Variants in WDR33 observed in about 807,000 individuals in gnomAD.
WDR33 encodes pre-mRNA 3' end processing protein WDR33.
In WDR33, 47 loss-of-function variants were observed where a neutral mutation model predicts 164.9. That is an observed-to-expected ratio of 0.29 (90% CI 0.23 to 0.36). WDR33 has a LOEUF of 0.36. WDR33 is among the 10% of genes least tolerant of loss of function. The pLI is 1.00. For synonymous variants in WDR33, 505 were observed against 589.0 expected, an observed-to-expected ratio of 0.86 and a Z score of 2.06; for missense variants, 1,137 against 1,754.1, an observed-to-expected ratio of 0.65 and a Z score of 6.28.
intron 1 of WDR33, among the ~76,000 whole-genome samples, chr2:127,810,466 T>C (rs534934734): frequency 6.6e-6 from 1 of 152,258 alleles, no homozygotes; most frequent in African/African-American, 2.4e-5. Context: ...CAACTTAAAA[T>C]CAGAAACAGG....
chr2:127,785,964 C>T (rs993856004), intron 1 of WDR33, among the ~76,000 whole-genome samples: 1 of 152,210 alleles, frequency 6.6e-6, no homozygotes, highest in African/African-American at 2.4e-5. Flanking sequence ...TGCTCCGTAT[C>T]GTTGACAGCA....
intron 1 of WDR33, among the ~76,000 whole-genome samples, chr2:127,780,254 G>A (rs544615648): frequency 6.6e-6 from 1 of 152,174 alleles, no homozygotes; most frequent in South Asian, 2.1e-4. Context: ...ATAATAAAAA[G>A]TTTTAAGATT....
In WDR33 at chr2:127,701,524, C is replaced by T. The variant is rs1685876435; in HGVS notation, c.*4799G>A. ...CTTTTCCTTTCTGCCACCGCCTTGTCCAAGATGGCGGACCTCCACCGCCAG... is the reference window on the plus strand; with the variant it reads ...CTTTTCCTTTCTGCCACCGCCTTGTTCAAGATGGCGGACCTCCACCGCCAG... On this transcript the variant is annotated 3_prime_UTR_variant, in exon 22 of 22. Coordinates refer to ENST00000322313, the MANE Select transcript of WDR33 (RefSeq NM_018383.5). 3 of 1,317,594 alleles carry T rather than the reference C, an allele frequency of 2.3e-6. No homozygotes were observed. Among genetic ancestry groups the T allele is most frequent in the Admixed American group, 3.9e-5 (1 of 25,924 alleles). 81.6% of individuals were successfully genotyped at this position (1,317,594 alleles called of 1,614,324 possible).
chr2:127,785,883 G>C (rs995741765), intron 1 of WDR33, among the ~76,000 whole-genome samples: 4 of 152,204 alleles, frequency 2.6e-5, no homozygotes, highest in African/African-American at 9.6e-5. Context: ...GGTTTTGTAA[G>C]AAACTGCCTA....
rs540115118 is a variant in WDR33 at position 127,742,874 on chromosome 2, CA to C, written c.725-16098del. ...ATACTCACAGTTAAAAAAAAAAAAA[CA>C]AAAAAAAACACCCCTCAGAGAAAAG... is the stretch of plus-strand genomic sequence containing the variant. On this transcript the variant is annotated intron_variant, in intron 7 of 21. Transcript: ENST00000322313. 8.2e-3 allele frequency among the ~76,000 whole-genome samples: 1,038 copies of C among 127,062 alleles called. 9 individuals are homozygous for C. The highest frequency in any genetic ancestry group is 0.029 in the African/African-American group (983 of 34,430). The allele number at this position is 127,062 out of a possible 152,430, so 83.4% of individuals were successfully genotyped here.
chr2:127,706,316 C>G lies in WDR33; in HGVS notation c.*7G>C, dbSNP rs373845660. On this transcript the variant is annotated 3_prime_UTR_variant, in exon 22 of 22. Coordinates refer to ENST00000322313, the MANE Select transcript of WDR33 (RefSeq NM_018383.5). The surrounding 1 kb of genome is among the most constrained non-coding windows in gnomAD (Gnocchi z 5.1). Reference sequence around the variant, plus strand: ...CAGAGAGGCCTCAGGGTACTCAGTTCCAGCTTCTACCGACCCCTTCCACCA... The same window carrying G: ...CAGAGAGGCCTCAGGGTACTCAGTTGCAGCTTCTACCGACCCCTTCCACCA... The G allele has an allele frequency of 6.5e-7, 1 of 1,547,236 alleles. No homozygotes were observed. Among genetic ancestry groups the G allele is most frequent in the South Asian group, 1.3e-5 (1 of 78,584 alleles).
At position 127,723,099 on chromosome 2, in the gene WDR33, T is replaced by A; in HGVS notation, c.1292-55A>T. On this transcript the variant is annotated intron_variant, in intron 12 of 21. Coordinates refer to ENST00000322313, the MANE Select transcript of WDR33 (RefSeq NM_018383.5). The surrounding 1 kb of genome is among the most constrained non-coding windows in gnomAD (Gnocchi z 5.9). ...GAGAATTTACAAAAGTAGCGACTGA[T>A]AAAATTAATGCTTTATAAAAATGAA... 6.7e-7 allele frequency: 1 copy of A among 1,498,090 alleles called. No individual in the cohort carries two copies. The highest frequency in any genetic ancestry group is 9.1e-7 in the Non-Finnish European group (1 of 1,099,928). The allele number at this position is 1,498,090 out of a possible 1,614,324, so 92.8% of individuals were successfully genotyped here.
At position 127,714,129 on chromosome 2, in the gene WDR33, T is replaced by A; in HGVS notation, c.2870-108A>T. 5 of 1,223,916 alleles carry A rather than the reference T, an allele frequency of 4.1e-6. No homozygotes were observed. Among genetic ancestry groups the A allele is most frequent in the Non-Finnish European group, 5.4e-6 (5 of 926,694 alleles). 75.8% of individuals were successfully genotyped at this position (1,223,916 alleles called of 1,614,324 possible). On this transcript the variant is annotated intron_variant, in intron 17 of 21. Coordinates refer to ENST00000322313, the MANE Select transcript of WDR33 (RefSeq NM_018383.5). This position sits in a 1 kb window ranked among gnomAD's most constrained non-coding sequence, Gnocchi z 4.3. ...AGAATACATTCTTTATTGAGAATGT[T>A]TTCCCTCCTTGGTTCTCAGCTTAGT... is the stretch of plus-strand genomic sequence containing the variant.
intron 1 of WDR33, among the ~76,000 whole-genome samples, chr2:127,773,427 A>G (rs941738791): frequency 1.3e-5 from 2 of 152,172 alleles, no homozygotes; most frequent in South Asian, 4.1e-4. Flanking sequence ...AACAAGGAGG[A>G]GGAGGGGTGG....
chr2:127,780,797 A>G (rs146183782), intron 1 of WDR33, among the ~76,000 whole-genome samples: 2,160 of 152,264 alleles, frequency 0.014, 25 homozygotes, highest in Middle Eastern at 0.085. Flanking sequence ...TGATCACACC[A>G]CTGCACTCCA....
In WDR33 at chr2:127,763,020, TC is replaced by T. The variant is rs1687723682; in HGVS notation, c.724+41del. The T allele has an allele frequency of 6.2e-7, 1 of 1,613,090 alleles. No homozygotes were observed. The highest frequency in any genetic ancestry group is 1.1e-5 in the South Asian group (1 of 90,958). On this transcript the variant is annotated intron_variant, in intron 7 of 21. Transcript: ENST00000322313. This position sits in a 1 kb window ranked among gnomAD's most constrained non-coding sequence, Gnocchi z 4.5. The stretch of plus-strand genomic sequence containing the variant: ...TGTGATGATTTAACCACAAATGTCT[TC>T]CCTATTTAAATATTCCAATCAGTAC...
At chr2:127,767,456 G>A (rs1687856837) in intron 4 of WDR33, among the ~76,000 whole-genome samples, 2 of 152,186 alleles carry the variant, frequency 1.3e-5, no homozygotes, top group South Asian at 2.1e-4. Context: ...GCTCATGCCT[G>A]TAATCCCAGC....
Position 127,702,689 on chromosome 2 carries a change from T to C in WDR33, c.*3634A>G, listed in dbSNP as rs1405003571. 1 of 167,132 alleles carries C rather than the reference T, an allele frequency of 6.0e-6. No homozygotes were observed. The highest frequency in any genetic ancestry group is 2.4e-5 in the African/African-American group (1 of 41,472). The allele number at this position is 167,132 out of a possible 1,614,324, so 10.4% of individuals were successfully genotyped here. On this transcript the variant is annotated 3_prime_UTR_variant, in exon 22 of 22. Transcript: ENST00000322313. ...CAGATTAAACACCGAATTCAGCCAC[T>C]GGACTTTTAAAAGTACTTAAGATGG...
rs1290471772 is a variant in WDR33 at position 127,741,312 on chromosome 2, AGAG to A, written c.725-14538_725-14536del. Among the ~76,000 whole-genome samples the A allele has an allele frequency of 6.6e-6, 1 of 152,170 alleles. No individual in the cohort carries two copies. Among genetic ancestry groups the A allele is most frequent in the African/African-American group, 2.4e-5 (1 of 41,446 alleles). On this transcript the variant is annotated intron_variant, in intron 7 of 21. Coordinates refer to ENST00000322313, the MANE Select transcript of WDR33 (RefSeq NM_018383.5). The surrounding 1 kb of genome is among the most constrained non-coding windows in gnomAD (Gnocchi z 4.1). ...AAGTGGAGGGCAAAGAGAGAATGGG[AGAG>A]GAGGAGAAAAAGAGAAAAGAGAAGG...
intron 1 of WDR33, among the ~76,000 whole-genome samples, chr2:127,787,490 A>ACCC (rs1299721860): frequency 7.3e-5 from 8 of 108,932 alleles, no homozygotes; most frequent in Admixed American, 1.7e-4. Flanking sequence ...CGGGGGGCTG[A>ACCC]CCCCCCCCAC....
In WDR33 at chr2:127,705,083, A is replaced by AG. The variant is rs1358579928; in HGVS notation, c.*1239dup. 1.2e-5 allele frequency: 2 copies of AG among 166,872 alleles called. No homozygotes were observed. The highest frequency in any genetic ancestry group is 2.4e-5 in the African/African-American group (1 of 41,442). The allele number at this position is 166,872 out of a possible 1,614,324, so 10.3% of individuals were successfully genotyped here. On this transcript the variant is annotated 3_prime_UTR_variant, in exon 22 of 22. Coordinates refer to ENST00000322313, the MANE Select transcript of WDR33 (RefSeq NM_018383.5). This position sits in a 1 kb window ranked among gnomAD's most constrained non-coding sequence, Gnocchi z 4.5. ...AGCAAGACTCTGTCAAAAAAGGAAA[A>AG]GAAAAAAAGAAACTTCCAGCACCAC...
At chr2:127,792,572 G>A (rs1182279494) in intron 1 of WDR33, among the ~76,000 whole-genome samples, 2 of 152,004 alleles carry the variant, frequency 1.3e-5, no homozygotes, top group African/African-American at 4.8e-5. Context: ...GGAGGCTGAG[G>A]CAGGAGAATC....
intron 1 of WDR33, among the ~76,000 whole-genome samples, chr2:127,790,019 TAG>T (rs1465224174): frequency 2.0e-5 from 3 of 152,050 alleles, no homozygotes; most frequent in Non-Finnish European, 4.4e-5. Flanking sequence ...TTATTTTTAG[TAG>T]AGACAGGGTT....
chr2:127,711,857 C>G (rs1464379394), intron 18 of WDR33, among the ~76,000 whole-genome samples: 1 of 147,940 alleles, frequency 6.8e-6, no homozygotes, highest in Non-Finnish European at 1.5e-5. Flanking sequence ...ACTGCTATCT[C>G]TGCCTCCCAG....
Sources: allele counts gnomAD v4.1 joint callset (sites outside exome capture counted in the v4.1 genomes callset), GRCh38; gene constraint gnomAD v4.1.1; non-coding constraint Gnocchi (gnomAD v3.1); transcripts MANE v1.5; gene names NCBI Gene and HGNC (gene_info 2026-07-23, HGNC 2026-07-21).